The following NRXN3 variants were observed in gnomAD, a reference collection of about 807,000 sequenced individuals.
NRXN3 encodes the protein neurexin 3.
A neutral mutation model predicts 137.6 loss-of-function variants in NRXN3; 32 were observed. The observed-to-expected ratio is 0.23, with a 90% confidence interval of 0.18 to 0.31. The LOEUF is 0.31. Among genes scored for constraint, NRXN3 ranks in the 10% least tolerant of loss-of-function variants. The pLI is 1.00. For missense variants in NRXN3, 1,574 were observed against 2,062.5 expected (o/e 0.76, Z 4.59); for synonymous variants, 798 against 784.5 (o/e 1.02, Z -0.29).
chr14:79,753,228 C>A (rs1430311801), intron 19 of NRXN3, among the ~76,000 whole-genome samples: 6 of 151,704 alleles, frequency 4.0e-5, no homozygotes, highest in African/African-American at 1.5e-4. Flanking sequence ...GGGTATATAC[C>A]CAAAGGACTA....
intron 10 of NRXN3, among the ~76,000 whole-genome samples, chr14:78,943,573 A>T (rs1284542396): frequency 7.4e-6 from 1 of 135,822 alleles, no homozygotes; most frequent in East Asian, 2.1e-4. Flanking sequence ...GCTAACAGGA[A>T]AAGTCTGAAG....
intron 11 of NRXN3, among the ~76,000 whole-genome samples, chr14:78,961,230 A>G (rs1023468616): frequency 1.3e-5 from 2 of 152,118 alleles, no homozygotes; most frequent in African/African-American, 4.8e-5. Context: ...ATGAAAGGTC[A>G]ATTTGCTTCC....
intron 4 of NRXN3, among the ~76,000 whole-genome samples, chr14:78,504,546 G>T (rs1300898528): frequency 1.3e-5 from 2 of 152,122 alleles, no homozygotes; most frequent in African/African-American, 4.8e-5. Context: ...TGTGTATGGG[G>T]AAGGGGCCTC....
At chr14:78,769,280 G>A (rs1462181435) in intron 8 of NRXN3, among the ~76,000 whole-genome samples, 8 of 152,158 alleles carry the variant, frequency 5.3e-5, no homozygotes, top group African/African-American at 1.2e-4. Flanking sequence ...ACAGGCTGTC[G>A]CTGTATCCAA....
chr14:79,271,194 T>C (rs1008314425), intron 15 of NRXN3, among the ~76,000 whole-genome samples: 1 of 152,210 alleles, frequency 6.6e-6, no homozygotes, highest in Non-Finnish European at 1.5e-5. Flanking sequence ...ATGAGTACTT[T>C]AGTATCTGAA....
intron 8 of NRXN3, among the ~76,000 whole-genome samples, chr14:78,775,687 A>G (rs1194855961): frequency 6.6e-6 from 1 of 152,226 alleles, no homozygotes; most frequent in East Asian, 1.9e-4. Flanking sequence ...GGGTTATATC[A>G]TAAACTATTC....
At chr14:78,977,872 A>G (rs2099473869) in intron 14 of NRXN3, among the ~76,000 whole-genome samples, 1 of 152,124 alleles carries the variant, frequency 6.6e-6, no homozygotes, top group Non-Finnish European at 1.5e-5. Flanking sequence ...TACTAATAAA[A>G]CCAACACATG....
intron 15 of NRXN3, among the ~76,000 whole-genome samples, chr14:79,067,827 C>T (rs1321038010): frequency 6.6e-6 from 1 of 151,904 alleles, no homozygotes; most frequent in Non-Finnish European, 1.5e-5. Flanking sequence ...ACACATGAAC[C>T]CATTCAACAC....
At chr14:79,596,236 A>G (rs1184305064) in intron 16 of NRXN3, among the ~76,000 whole-genome samples, 3 of 152,156 alleles carry the variant, frequency 2.0e-5, no homozygotes, top group African/African-American at 7.2e-5. Context: ...TTAAGGGTTC[A>G]GCCTGGCTTA....
At chr14:79,425,896 T>C (rs987025010) in intron 15 of NRXN3, among the ~76,000 whole-genome samples, 2 of 152,072 alleles carry the variant, frequency 1.3e-5, no homozygotes, top group Non-Finnish European at 1.5e-5. Context: ...CCAGGCTACT[T>C]GTTTGTTTGC....
At chr14:79,414,368 T>C (rs1011354633) in intron 15 of NRXN3, among the ~76,000 whole-genome samples, 6 of 152,118 alleles carry the variant, frequency 3.9e-5, no homozygotes, top group African/African-American at 9.7e-5. Flanking sequence ...TAGGGTGTCT[T>C]TTTTTGTTTC....
At chr14:78,471,890 A>G (rs1323066643) in intron 4 of NRXN3, among the ~76,000 whole-genome samples, 1 of 152,222 alleles carries the variant, frequency 6.6e-6, no homozygotes, top group Non-Finnish European at 1.5e-5. Context: ...CTGCACCACA[A>G]AGAGAAGCTG....
chr14:78,190,940 C>T lies in NRXN3; in HGVS notation c.-704+20266C>T, dbSNP rs541540853. On this transcript the variant is annotated intron_variant, in intron 1 of 20. Transcript: ENST00000335750. The stretch of plus-strand genomic sequence containing the variant: ...CCACCTACCTTAGCCTCCCAAAGTG[C>T]TGGGATTACAGGCATGAGCTGCTGC... Among the ~76,000 whole-genome samples, 10 of 152,284 alleles carry T rather than the reference C, an allele frequency of 6.6e-5. No homozygotes were observed. In the East Asian group the frequency reaches 1.9e-3, roughly 29 times the overall value.
At chr14:78,337,489 A>G (rs2081610960) in intron 4 of NRXN3, among the ~76,000 whole-genome samples, 1 of 152,144 alleles carries the variant, frequency 6.6e-6, no homozygotes, top group African/African-American at 2.4e-5. Flanking sequence ...ACAGCTAACC[A>G]GCTTTGGGGA....
At chr14:78,282,100 C>G (rs765379956) in intron 3 of NRXN3, 3 of 494,198 alleles carry the variant, frequency 6.1e-6, no homozygotes, top group African/African-American at 5.8e-5. Flanking sequence ...AGGGAAAGGA[C>G]CTATCCAAGG....
chr14:79,668,931 T>A (rs1287071396), intron 17 of NRXN3, among the ~76,000 whole-genome samples: 2 of 152,104 alleles, frequency 1.3e-5, no homozygotes, highest in Admixed American at 6.6e-5. Flanking sequence ...AAGAAAGATT[T>A]TTTTTTTGTC....
intron 15 of NRXN3, among the ~76,000 whole-genome samples, chr14:79,120,252 C>T (rs573200070): frequency 3.9e-5 from 6 of 152,140 alleles, no homozygotes; most frequent in South Asian, 2.1e-4. Flanking sequence ...TATTTTCTTC[C>T]GCTAAGCAGA....
Position 79,692,229 on chromosome 14 carries a change from A to T in NRXN3, c.3673A>T (p.Asn1225Tyr), listed in dbSNP as rs2098719318. 1 of 1,610,050 alleles carries T rather than the reference A, an allele frequency of 6.2e-7. No individual in the cohort carries two copies. Among genetic ancestry groups the T allele is most frequent in the Admixed American group, 1.7e-5 (1 of 59,546 alleles). ...AAAACAGAAAATCCCCTTCAAATAT[A>T]ATCGGCCTGTAGAGGAGTGGCTGCA... is the stretch of plus-strand genomic sequence containing the variant. ...MVKQKIPFKY[N>Y]RPVEEWLQEK... Residue 1225 changes from asparagine to tyrosine, a missense_variant, in exon 18 of 21, where the codon AAT (asparagine) becomes TAT (tyrosine). Physicochemically the swap from Asn to Tyr is moderately radical, Grantham distance 143 (BLOSUM62 -2). Around this residue, in one of 5 missense-constraint regions of NRXN3, gnomAD observed 133 missense variants for 241.8 expected, o/e 0.55. Transcript: ENST00000335750.
intron 16 of NRXN3, among the ~76,000 whole-genome samples, chr14:79,480,707 T>G (rs2096599761): frequency 1.3e-5 from 2 of 152,086 alleles, no homozygotes; most frequent in African/African-American, 4.8e-5. Context: ...GGGAGGTGGT[T>G]GGATCATGGG....
Sources: gnomAD v4.1 joint callset for allele counts (sites outside exome capture counted in the v4.1 genomes callset) on GRCh38, gnomAD v4.1.1 for gene constraint, gnomAD v4.1.1 regional missense constraint, MANE v1.5 for transcripts, NCBI Gene and HGNC (gene_info 2026-07-23, HGNC 2026-07-21) for gene names.